SPEF2: variants seen among roughly 807,000 people sequenced by gnomAD.
The protein encoded by SPEF2 is sperm flagellar and cilia associated 2.
Under a neutral mutation model 224.6 loss-of-function variants are expected in SPEF2, and 187 were observed. That is an observed-to-expected ratio of 0.83 (90% confidence interval 0.74 to 0.94). SPEF2 has a LOEUF of 0.94. SPEF2 is among the 40% of genes least tolerant of loss of function. The pLI, the probability that SPEF2 is intolerant of heterozygous loss-of-function variation, is 0.00. For synonymous variants in SPEF2, 715 were observed against 707.3 expected (o/e 1.01, Z -0.17); for missense variants, 2,170 against 2,135.6 (o/e 1.02, Z -0.32).
At chr5:35,712,619 A>G (rs1239335416) in intron 19 of SPEF2, among the ~76,000 whole-genome samples, 193 bp from the exon 20 acceptor site, 2 of 152,238 alleles carry the variant, frequency 1.3e-5, no homozygotes, top group Non-Finnish European at 2.9e-5. Context: ...TATTAGAGCT[A>G]TCATTCCAGA....
At chr5:35,731,993 A>T (rs1384343400) in intron 21 of SPEF2, among the ~76,000 whole-genome samples, 1 of 152,220 alleles carries the variant, frequency 6.6e-6, no homozygotes, top group Admixed American at 6.5e-5. Context: ...AGTGGGACTT[A>T]GTAACATACA....
chr5:35,626,136 T>C (rs1007269055), intron 1 of SPEF2, among the ~76,000 whole-genome samples: 1 of 152,186 alleles, frequency 6.6e-6, no homozygotes, highest in Admixed American at 6.5e-5. Context: ...AGAGCTCAGG[T>C]ATGCCATGAA....
intron 2 of SPEF2, among the ~76,000 whole-genome samples, chr5:35,639,848 C>T (rs560914165): frequency 6.6e-6 from 1 of 151,830 alleles, no homozygotes; most frequent in South Asian, 2.1e-4. Context: ...TGCTCTGTCT[C>T]CAGAGCAAAG....
chr5:35,736,555 C>T (rs964571222), intron 21 of SPEF2, among the ~76,000 whole-genome samples: 2 of 152,156 alleles, frequency 1.3e-5, no homozygotes, highest in South Asian at 4.1e-4. Context: ...AACTAACTCA[C>T]TATCATGAGC....
chr5:35,798,966 C>T (rs77201385), intron 33 of SPEF2, among the ~76,000 whole-genome samples: 2,488 of 152,258 alleles, frequency 0.016, 33 homozygotes, highest in Non-Finnish European at 0.023. Flanking sequence ...TATTTTCCCA[C>T]CTGTTATCTT....
intron 30 of SPEF2, among the ~76,000 whole-genome samples, chr5:35,783,112 G>C (rs150093649): frequency 1.3e-5 from 2 of 152,316 alleles, no homozygotes; most frequent in African/African-American, 4.8e-5. Context: ...TCATTCCTAT[G>C]AGCGTACTAC....
At chr5:35,808,424 A>G (rs1236052067) in intron 36 of SPEF2, among the ~76,000 whole-genome samples, 1 of 151,632 alleles carries the variant, frequency 6.6e-6, no homozygotes, top group East Asian at 1.9e-4. Context: ...GACAGGCCCC[A>G]GTGTATGATG....
intron 16 of SPEF2, among the ~76,000 whole-genome samples, chr5:35,701,747 A>G (rs2149566159): frequency 1.3e-5 from 2 of 152,294 alleles, no homozygotes; most frequent in South Asian, 4.1e-4. Context: ...TGTAAAAAAG[A>G]TGATTTGAAA....
chr5:35,674,468 C>T (rs113286873), intron 10 of SPEF2, among the ~76,000 whole-genome samples: 5,041 of 148,974 alleles, frequency 0.034, 319 homozygotes, highest in African/African-American at 0.12. Flanking sequence ...TGTTGGTGTG[C>T]TGTACCCATT....
At position 35,755,908 on chromosome 5, in the gene SPEF2, C is replaced by T. The variant is rs1750372973; in HGVS notation, c.3468+2147C>T. ...TACAGGAGTGAGCCACCACACCCAG[C>T]CTACTGTAAGTTCTGTTATCTTCAT... is the stretch of plus-strand genomic sequence containing the variant. On this transcript the variant is annotated intron_variant, in intron 24 of 36. Transcript: ENST00000356031. Among the ~76,000 whole-genome samples, 6 of 152,134 alleles carry T rather than the reference C, an allele frequency of 3.9e-5. 1 individual carries two copies. The South Asian group carries it at 1.2e-3, about 32-fold the overall frequency.
intron 20 of SPEF2, among the ~76,000 whole-genome samples, chr5:35,720,810 T>G (rs1743516589): frequency 6.6e-6 from 1 of 152,198 alleles, no homozygotes; most frequent in Non-Finnish European, 1.5e-5. Flanking sequence ...TGTTTACCTC[T>G]CTTTTCTGGA....
At chr5:35,716,108 A>G (rs867696653) in intron 20 of SPEF2, among the ~76,000 whole-genome samples, 1 of 152,004 alleles carries the variant, frequency 6.6e-6, no homozygotes, top group Non-Finnish European at 1.5e-5. Flanking sequence ...TGTTCAAAAC[A>G]TAACATGCTA....
At chr5:35,712,443 T>A (rs1741355440) in intron 19 of SPEF2, among the ~76,000 whole-genome samples, 1 of 152,122 alleles carries the variant, frequency 6.6e-6, no homozygotes, top group South Asian at 2.1e-4. Context: ...TATAGGCACA[T>A]TCAGTTGAAA....
chr5:35,812,080 A>G (rs1421278847), intron 36 of SPEF2, among the ~76,000 whole-genome samples: 2 of 152,104 alleles, frequency 1.3e-5, no homozygotes, highest in South Asian at 2.1e-4. Context: ...GAGCCACCGC[A>G]CCTGGCCTCC....
At position 35,646,805 on chromosome 5, in the gene SPEF2, GAAGT is replaced by G; in HGVS notation, c.726+3_726+6del. 1.2e-6 allele frequency: 2 copies of G among 1,613,584 alleles called. No homozygotes were observed. Among genetic ancestry groups the G allele is most frequent in the Non-Finnish European group, 1.7e-6 (2 of 1,179,752 alleles). ...AATGATGAAAAAGAAAAAAGAGGCA[GAAGT>G]AAGTGATAATCCTTTAATATTGTGC... On this transcript the variant is annotated splice_donor_variant and coding_sequence_variant, in exon 5 of 37. Transcript: ENST00000356031. LOFTEE classifies it high-confidence loss of function.
At chr5:35,760,990 G>A (rs919085709) in intron 25 of SPEF2, among the ~76,000 whole-genome samples, 10 of 151,926 alleles carry the variant, frequency 6.6e-5, no homozygotes, top group African/African-American at 2.4e-4. Context: ...CATTATATCA[G>A]ATATGAGGAG....
chr5:35,692,643 A>G lies in SPEF2; in HGVS notation c.1818A>G (p.Lys606=). ...TCCAAGCATTTCATGACAATGAAAA[A>G]GTCAGTGAGGTTCTACCAATTCAGA... ...EAIQAFHDNE[K]VSEVLPIQKN... Residue 606 remains lysine (K), a synonymous_variant, in exon 12 of 37, where the codon AAA becomes AAG. Transcript: ENST00000356031. 6.2e-7 allele frequency: 1 copy of G among 1,613,660 alleles called. No homozygotes were observed. Among genetic ancestry groups the G allele is most frequent in the Non-Finnish European group, 8.5e-7 (1 of 1,179,616 alleles).
chr5:35,806,084 A>G (rs1200771316), intron 34 of SPEF2, among the ~76,000 whole-genome samples: 1 of 152,210 alleles, frequency 6.6e-6, no homozygotes, highest in Non-Finnish European at 1.5e-5. Context: ...AGGATACATA[A>G]GAAGAATATA....
intron 20 of SPEF2, among the ~76,000 whole-genome samples, chr5:35,722,996 G>A (rs10472981): frequency 0.7 from 105,593 of 151,782 alleles, 37,746 homozygotes; most frequent in Middle Eastern, 0.8. Context: ...TAAAGGGTGA[G>A]TAAAGCAGGG....
Sources: allele counts gnomAD v4.1 joint callset (sites outside exome capture counted in the v4.1 genomes callset), GRCh38; gene constraint gnomAD v4.1.1; transcripts MANE v1.5; gene names NCBI Gene and HGNC (gene_info 2026-07-23, HGNC 2026-07-21).